Variants in HES4 observed in about 807,000 individuals in gnomAD.
The protein encoded by HES4 is transcription factor HES-4.
HES4 carries 17 observed loss-of-function variants against 10.7 expected under a neutral mutation model. The observed-to-expected ratio is 1.59, with a 90% CI of 1.09 to 2.38. HES4 has a LOEUF of 2.38. Among genes scored for constraint, HES4 ranks in the 30% most tolerant of loss-of-function variants. HES4 has a pLI of 0.00. For synonymous variants in HES4, 189 were observed against 159.7 expected, an observed-to-expected ratio of 1.18 and a Z score of -1.38; for missense variants, 389 against 332.1, an observed-to-expected ratio of 1.17 and a Z score of -1.33.
chr1:999,687 C>T lies in HES4; in HGVS notation c.204+5G>A. The stretch of plus-strand genomic sequence containing the variant: ...CCGGGTCTCGGGCCTTCGCCCCCGA[C>T]TTACCTCTTTTCTGAGGGCGTCCAG... On this transcript the variant is annotated splice_donor_5th_base_variant and intron_variant, in intron 2 of 3. Transcript: ENST00000304952. 1 of 1,611,726 alleles carries T rather than the reference C, an allele frequency of 6.2e-7. No individual in the cohort carries two copies. The highest frequency in any genetic ancestry group is 8.5e-7 in the Non-Finnish European group (1 of 1,179,440).
rs1052937012 is a variant in HES4 at position 998,986 on chromosome 1, C to T, written c.*73G>A. 1 of 1,184,514 alleles carries T rather than the reference C, an allele frequency of 8.4e-7. No individual in the cohort carries two copies. Among genetic ancestry groups the T allele is most frequent in the African/African-American group, 1.6e-5 (1 of 63,198 alleles). The allele number at this position is 1,184,514 out of a possible 1,614,324, so 73.4% of individuals were successfully genotyped here. A position where few individuals can be genotyped will look rare whatever the true frequency, so the allele number is the denominator to read the frequency against. ...CTCTGGAATAATAAATACGTTTTCTCTGCTACAGTCTCGGCAAAGGCCACG... is the reference window on the plus strand; with the variant it reads ...CTCTGGAATAATAAATACGTTTTCTTTGCTACAGTCTCGGCAAAGGCCACG... On this transcript the variant is annotated 3_prime_UTR_variant, in exon 4 of 4. Coordinates refer to ENST00000304952, the MANE Select transcript of HES4 (RefSeq NM_021170.4).
In HES4 at chr1:999,227, C is replaced by T. The variant is rs1299201169; in HGVS notation, c.498G>A (p.Glu166=). 1.5e-6 allele frequency: 2 copies of T among 1,327,962 alleles called. No homozygotes were observed. Among genetic ancestry groups the T allele is most frequent in the Non-Finnish European group, 1.9e-6 (2 of 1,046,092 alleles). 82.3% of individuals were successfully genotyped at this position (1,327,962 alleles called of 1,614,324 possible). A position where few individuals can be genotyped will look rare whatever the true frequency, so the allele number is the denominator to read the frequency against. ...CCGCGTAGACCTCGGGCGCTGGGGC[C>T]TCTGCGGGGGCAGCCGGGGACAGCG... ...PASLSPAAPA[E]APAPEVYAGR... The change falls in exon 4 of 4, where the codon GAG becomes GAA. Residue 166 remains glutamate (E), a synonymous_variant. Coordinates refer to ENST00000304952, the MANE Select transcript of HES4 (RefSeq NM_021170.4).
At chr1:999,498 CT>C in intron 3 of HES4, 27 bp downstream of exon 3, 1 of 1,569,054 alleles carries the variant, frequency 6.4e-7, no homozygotes, top group Non-Finnish European at 8.6e-7. Context: ...CTCCCCCCGC[CT>C]CCAAGCCGCC....
rs1340851016 is a variant in HES4, at chr1:1,000,011, C to A, written c.-38G>T. 12 of 1,315,228 alleles carry A rather than the reference C, an allele frequency of 9.1e-6. No individual in the cohort carries two copies. Among genetic ancestry groups the A allele is most frequent in the African/African-American group, 4.7e-5 (3 of 63,792 alleles). 81.5% of individuals were successfully genotyped at this position (1,315,228 alleles called of 1,614,324 possible). A position where few individuals can be genotyped will look rare whatever the true frequency, so the allele number is the denominator to read the frequency against. On this transcript the variant is annotated 5_prime_UTR_variant, in exon 1 of 4. Transcript: ENST00000304952. ...GCCTCCCCGTGCCGGGTGGAGCGCG[C>A]CGCCACGGACCACGGGCGGGCTGGC...
At position 999,273 on chromosome 1, in the gene HES4, C is replaced by A. The variant is rs1371406736; in HGVS notation, c.452G>T (p.Gly151Val). 4 of 1,448,082 alleles carry A rather than the reference C, an allele frequency of 2.8e-6. No homozygotes were observed. Among genetic ancestry groups the A allele is most frequent in the African/African-American group, 3.0e-5 (2 of 67,660 alleles). The allele number at this position is 1,448,082 out of a possible 1,614,324, so 89.7% of individuals were successfully genotyped here. A position where few individuals can be genotyped will look rare whatever the true frequency, so the allele number is the denominator to read the frequency against. ...GHLAACLRQL[G>V]PSRRPASLSP... is the part of the protein sequence containing the mutation. ...CAGCGAGGCCGGGCGGCGGGAGGGT[C>A]CCAGCTGGCGCAGGCAGGCTGCCAG... Residue 151 changes from glycine to valine, a missense_variant, in exon 4 of 4, where the codon GGA becomes GTA. Gly to Val is a moderately radical substitution (Grantham distance 109, BLOSUM62 -3). Coordinates refer to ENST00000304952, the MANE Select transcript of HES4 (RefSeq NM_021170.4).
chr1:999,334 C>A lies in HES4; in HGVS notation c.391G>T (p.Val131Phe). 2 of 1,482,102 alleles carry A rather than the reference C, an allele frequency of 1.3e-6. No homozygotes were observed. The highest frequency in any genetic ancestry group is 1.8e-6 in the Non-Finnish European group (2 of 1,123,430). The allele number at this position is 1,482,102 out of a possible 1,614,324, so 91.8% of individuals were successfully genotyped here. A position where few individuals can be genotyped will look rare whatever the true frequency, so the allele number is the denominator to read the frequency against. ...AGGCGGGAGCGCACGTCGGCCGGGA[C>A]GCCCTCGCAGCCGGCCAGGAAGCGG... Reference protein sequence around the residue: ...VNRFLAGCEGVPADVRSRLLG... With the variant: ...VNRFLAGCEGFPADVRSRLLG... Residue 131 changes from valine to phenylalanine, a missense_variant, in exon 4 of 4, where the codon GTC becomes TTC. Transcript: ENST00000304952.
rs1028096460 is a variant in HES4 at position 999,229 on chromosome 1, C to G, written c.496G>C (p.Glu166Gln). Residue 166 changes from glutamate (E) to glutamine (Q), a missense_variant, in exon 4 of 4, where the codon GAG becomes CAG. Physicochemically the swap from Glu to Gln is conservative, Grantham distance 29. Transcript: ENST00000304952. ...GCGTAGACCTCGGGCGCTGGGGCCT[C>G]TGCGGGGGCAGCCGGGGACAGCGAG... ...PASLSPAAPA[E>Q]APAPEVYAGR... 2 of 1,337,434 alleles carry G rather than the reference C, an allele frequency of 1.5e-6. No homozygotes were observed. Among genetic ancestry groups the G allele is most frequent in the East Asian group, 3.2e-5 (1 of 31,598 alleles). The allele number at this position is 1,337,434 out of a possible 1,614,324, so 82.8% of individuals were successfully genotyped here.
Position 999,178 on chromosome 1 carries a change from C to A in HES4, c.547G>T (p.Gly183Cys), listed in dbSNP as rs1203071855. Residue 183 changes from glycine to cysteine, a missense_variant, in exon 4 of 4, where the codon GGC becomes TGC. Transcript: ENST00000304952. ...GGCGCGAGCAGAGGGAAGGGGCCGC[C>A]GAGCGATGGCAGCAGCGGGCGGCCC... is the stretch of plus-strand genomic sequence containing the variant. Reference protein sequence around the residue: ...YAGRPLLPSLGGPFPLLAPPL... With the variant: ...YAGRPLLPSLCGPFPLLAPPL... 2 of 1,255,026 alleles carry A rather than the reference C, an allele frequency of 1.6e-6. No individual in the cohort carries two copies. The highest frequency in any genetic ancestry group is 1.0e-6 in the Non-Finnish European group (1 of 1,003,632). 77.7% of individuals were successfully genotyped at this position (1,255,026 alleles called of 1,614,324 possible).
Position 999,067 on chromosome 1 carries a change from G to C in HES4, c.658C>G (p.Leu220Val), listed in dbSNP as rs760448722. Reference sequence around the variant, plus strand: ...GTCTCAGGGCCACAGCCTCAGCGCAGCCACGGCCTCCAGGGCCCACCCGGG... The same window carrying C: ...GTCTCAGGGCCACAGCCTCAGCGCACCCACGGCCTCCAGGGCCCACCCGGG... ...QGPGGPWRPW[L>V]R The change falls in exon 4 of 4, where the codon CTG (leucine) becomes GTG (valine). Residue 220 changes from leucine to valine, a missense_variant. Transcript: ENST00000304952. 2 of 1,258,984 alleles carry C rather than the reference G, an allele frequency of 1.6e-6. No individual in the cohort carries two copies. The highest frequency in any genetic ancestry group is 3.1e-5 in the African/African-American group (2 of 64,892). 78.0% of individuals were successfully genotyped at this position (1,258,984 alleles called of 1,614,324 possible). A position where few individuals can be genotyped will look rare whatever the true frequency, so the allele number is the denominator to read the frequency against.
chr1:999,906 C>T lies in HES4; in HGVS notation c.68G>A (p.Arg23Gln), dbSNP rs1025753531. 1.5e-5 allele frequency: 22 copies of T among 1,483,108 alleles called. No homozygotes were observed. The highest frequency in any genetic ancestry group is 2.5e-5 in the Admixed American group (1 of 40,416). The allele number at this position is 1,483,108 out of a possible 1,614,324, so 91.9% of individuals were successfully genotyped here. The change falls in exon 1 of 4, where the codon CGG becomes CAG. Residue 23 changes from arginine (R) to glutamine (Q), a missense_variant. Transcript: ENST00000304952. ...CGCGCTCCGGGGCTTGTCTGGGGTC[C>T]GGCTGGCGCTGGCCGGCGCTCCTGC... Reference protein sequence around the residue: ...PMAGAPASASRTPDKPRSAAE... With the variant: ...PMAGAPASASQTPDKPRSAAE...
rs1294264939 is a variant in HES4, at chr1:999,163, G to A, written c.562C>T (p.Leu188=). The A allele has an allele frequency of 5.6e-6, 7 of 1,241,174 alleles. No individual in the cohort carries two copies. In the East Asian group the frequency reaches 9.9e-5, roughly 18 times the overall value. 76.9% of individuals were successfully genotyped at this position (1,241,174 alleles called of 1,614,324 possible). ...LLPSLGGPFP[L]LAPPLLPGLT... is the part of the protein sequence containing the mutation. ...CCCGGCAGCAGCGGCGGCGCGAGCA[G>A]AGGGAAGGGGCCGCCGAGCGATGGC... The change falls in exon 4 of 4, where the codon CTG becomes TTG. Residue 188 remains leucine (L), a synonymous_variant. Transcript: ENST00000304952.
In HES4 at chr1:999,308, C is replaced by G. The variant is rs1643986735; in HGVS notation, c.417G>C (p.Leu139=). Residue 139 remains leucine, a synonymous_variant, in exon 4 of 4, where the codon CTG becomes CTC. Transcript: ENST00000304952. ...EGVPADVRSR[L]LGHLAACLRQ... The stretch of plus-strand genomic sequence containing the variant: ...GCAGGCAGGCTGCCAGGTGGCCCAG[C>G]AGGCGGGAGCGCACGTCGGCCGGGA... The G allele has an allele frequency of 6.8e-7, 1 of 1,472,884 alleles. No individual in the cohort carries two copies. The allele number at this position is 1,472,884 out of a possible 1,614,324, so 91.2% of individuals were successfully genotyped here. A position where few individuals can be genotyped will look rare whatever the true frequency, so the allele number is the denominator to read the frequency against.
At position 999,914 on chromosome 1, in the gene HES4, G is replaced by C. The variant is rs763268705; in HGVS notation, c.60C>G (p.Ser20Arg). ...SASPMAGAPASASRTPDKPRS... is the reference protein window; with the variant it reads ...SASPMAGAPARASRTPDKPRS... ...GGGGCTTGTCTGGGGTCCGGCTGGC[G>C]CTGGCCGGCGCTCCTGCCATCGGCG... The change falls in exon 1 of 4, where the codon AGC (serine) becomes AGG (arginine). Residue 20 changes from serine to arginine, a missense_variant. Transcript: ENST00000304952. 2 of 1,471,708 alleles carry C rather than the reference G, an allele frequency of 1.4e-6. No homozygotes were observed. The highest frequency in any genetic ancestry group is 1.8e-6 in the Non-Finnish European group (2 of 1,120,722). 91.2% of individuals were successfully genotyped at this position (1,471,708 alleles called of 1,614,324 possible). A position where few individuals can be genotyped will look rare whatever the true frequency, so the allele number is the denominator to read the frequency against.
At position 999,557 on chromosome 1, in the gene HES4, G is replaced by C. The variant is rs536992717; in HGVS notation, c.261C>G (p.His87Gln). ...KADILEMTVR[H>Q]LRSLRRVQVT... ...CCTGCACGCGACGCAGGCTCCGCAG[G>C]TGTCTCACGGTCATCTCCAGGATGT... Residue 87 changes from histidine to glutamine, a missense_variant, in exon 3 of 4, where the codon CAC becomes CAG. Transcript: ENST00000304952. 1,265 of 1,606,034 alleles carry C rather than the reference G, an allele frequency of 7.9e-4. 17 individuals are homozygous for C. The South Asian group carries it at 0.013, about 17-fold the overall frequency.
chr1:999,892 G>A lies in HES4; in HGVS notation c.82C>T (p.Pro28Ser). The change falls in exon 1 of 4, where the codon CCC (proline) becomes TCC (serine). Residue 28 changes from proline (P) to serine (S), a missense_variant. Transcript: ENST00000304952. ...PASASRTPDK[P>S]RSAAEHRKSS... Reference sequence around the variant, plus strand: ...TTGCGGTGCTCGGCCGCGCTCCGGGGCTTGTCTGGGGTCCGGCTGGCGCTG... The same window carrying A: ...TTGCGGTGCTCGGCCGCGCTCCGGGACTTGTCTGGGGTCCGGCTGGCGCTG... The A allele has an allele frequency of 6.6e-7, 1 of 1,509,860 alleles. No individual in the cohort carries two copies. The highest frequency in any genetic ancestry group is 1.2e-5 in the South Asian group (1 of 81,016). The allele number at this position is 1,509,860 out of a possible 1,614,324, so 93.5% of individuals were successfully genotyped here.
Position 999,132 on chromosome 1 carries a change from G to T in HES4, c.593C>A (p.Thr198Asn). ...CCTGGGGGCGGCGGGCAGCGCCCGG[G>T]TCAGACCCGGCAGCAGCGGCGGCGC... is the stretch of plus-strand genomic sequence containing the variant. ...LLAPPLLPGLTRALPAAPRAG... is the reference protein window; with the variant it reads ...LLAPPLLPGLNRALPAAPRAG... The change falls in exon 4 of 4, where the codon ACC becomes AAC. Residue 198 changes from threonine to asparagine, a missense_variant. Thr to Asn is a moderately conservative substitution (Grantham distance 65). Transcript: ENST00000304952. 5 of 1,226,114 alleles carry T rather than the reference G, an allele frequency of 4.1e-6. No individual in the cohort carries two copies. The highest frequency in any genetic ancestry group is 4.1e-6 in the Non-Finnish European group (4 of 985,736). The allele number at this position is 1,226,114 out of a possible 1,614,324, so 76.0% of individuals were successfully genotyped here. A position where few individuals can be genotyped will look rare whatever the true frequency, so the allele number is the denominator to read the frequency against.
At position 999,508 on chromosome 1, in the gene HES4, C is replaced by T. The variant is rs760347346; in HGVS notation, c.292+18G>A. 7.6e-6 allele frequency: 12 copies of T among 1,576,194 alleles called. No homozygotes were observed. In the African/African-American group the frequency reaches 1.4e-4, roughly 18 times the overall value. Reference sequence around the variant, plus strand: ...GCGCCCTCCCCCCGCCTCCAAGCCGCCGCCGCCCGCGCCTCACCCGTCACC... The same window carrying T: ...GCGCCCTCCCCCCGCCTCCAAGCCGTCGCCGCCCGCGCCTCACCCGTCACC... On this transcript the variant is annotated intron_variant, in intron 3 of 3. Coordinates refer to ENST00000304952, the MANE Select transcript of HES4 (RefSeq NM_021170.4).
chr1:1,000,095 C>G lies in HES4; in HGVS notation c.-122G>C, dbSNP rs865913574. 3.7e-6 allele frequency: 3 copies of G among 817,206 alleles called. No homozygotes were observed. The highest frequency in any genetic ancestry group is 4.7e-6 in the Non-Finnish European group (3 of 638,192). 50.6% of individuals were successfully genotyped at this position (817,206 alleles called of 1,614,324 possible). On this transcript the variant is annotated 5_prime_UTR_variant, in exon 1 of 4. Coordinates refer to ENST00000304952, the MANE Select transcript of HES4 (RefSeq NM_021170.4). ...CTAGGGCGGATCCCGGCTCCAGGCC[C>G]GCGCGCGCCTCAGGCCGTTTCCCTA...
rs1643999293 is a variant in HES4, at chr1:999,734, G to A, written c.162C>T (p.Leu54=). The A allele has an allele frequency of 6.2e-7, 1 of 1,611,948 alleles. No homozygotes were observed. ...KRRRARINES[L]AQLKTLILDA... ...CCAGGATGAGGGTTTTGAGCTGAGC[G>A]AGGCTCTCGTTAATACGCGCTCGGC... The change falls in exon 2 of 4, where the codon CTC becomes CTT. Residue 54 remains leucine, a synonymous_variant. Coordinates refer to ENST00000304952, the MANE Select transcript of HES4 (RefSeq NM_021170.4).
Sources: allele counts gnomAD v4.1 joint callset, GRCh38; gene constraint gnomAD v4.1.1; transcripts MANE v1.5; gene names NCBI Gene and HGNC (gene_info 2026-07-23, HGNC 2026-07-21).